The following TEX9 variants were observed in gnomAD, a reference collection of about 807,000 sequenced individuals.
TEX9 encodes testis expressed 9.
In TEX9, 74 loss-of-function variants were observed where a neutral mutation model predicts 59.6. The ratio of observed to expected loss-of-function variants is 1.24; its 90% CI spans 1.03 to 1.51. The LOEUF (loss-of-function observed/expected upper bound fraction) is 1.51, where lower values mean the gene tolerates loss of function less well. Ranked by LOEUF, TEX9 falls within the 40% of genes most tolerant of loss-of-function variation. The probability of loss-of-function intolerance (pLI) is 0.00; values close to 1 mark genes in which losing one functional copy is unlikely to be tolerated. For missense variants in TEX9, 522 were observed against 447.8 expected, an observed-to-expected ratio of 1.17 and a Z score of -1.49; for synonymous variants, 186 against 152.2, an observed-to-expected ratio of 1.22 and a Z score of -1.64.
intron 9 of TEX9, chr15:56,395,405 A>G (rs2048418482): frequency 6.6e-6 from 1 of 152,080 alleles, no homozygotes; most frequent in Admixed American, 6.6e-5. Flanking sequence ...GGTTGTTTCT[A>G]CTGTCTGACA....
intron 1 of TEX9, among the ~76,000 whole-genome samples, chr15:56,314,900 T>G (rs1171232714): frequency 6.6e-6 from 1 of 151,922 alleles, no homozygotes; most frequent in Admixed American, 6.6e-5. Flanking sequence ...TTTACCATTA[T>G]GTAATGGCCT....
chr15:56,377,894 T>C (rs934591351), intron 3 of TEX9, among the ~76,000 whole-genome samples: 1 of 152,188 alleles, frequency 6.6e-6, no homozygotes, highest in Non-Finnish European at 1.5e-5. Flanking sequence ...GTCTGTTCCT[T>C]TTATACTCAT....
chr15:56,385,992 C>T (rs762230333), intron 4 of TEX9, among the ~76,000 whole-genome samples: 1 of 152,018 alleles, frequency 6.6e-6, no homozygotes, highest in Non-Finnish European at 1.5e-5. Flanking sequence ...AAAAAACCTG[C>T]ATGTGAATTT....
chr15:56,255,711 C>T (rs2044130328), intron 1 of TEX9, among the ~76,000 whole-genome samples: 2 of 151,942 alleles, frequency 1.3e-5, no homozygotes, highest in African/African-American at 4.8e-5. Flanking sequence ...AATATAACAT[C>T]AAATGTCATC....
At chr15:56,383,353 T>G (rs1298260296) in intron 3 of TEX9, among the ~76,000 whole-genome samples, 2 of 152,234 alleles carry the variant, frequency 1.3e-5, no homozygotes, top group Non-Finnish European at 2.9e-5. Context: ...TAAAACCAGG[T>G]ACTGTGTTTG....
In TEX9 at chr15:56,375,285, A is replaced by G. The variant is rs1256315346; in HGVS notation, c.183+1781A>G. Among the ~76,000 whole-genome samples, 3 of 152,148 alleles carry G rather than the reference A, an allele frequency of 2.0e-5. No individual in the cohort carries two copies. In the East Asian group the frequency reaches 5.8e-4, roughly 29 times the overall value. Reference sequence around the variant, plus strand: ...AGCCAGTGATGGTGAGCATTTTTTCATGTGTTTTTTGGCCGCATAAATGTC... The same window carrying G: ...AGCCAGTGATGGTGAGCATTTTTTCGTGTGTTTTTTGGCCGCATAAATGTC... On this transcript the variant is annotated intron_variant, in intron 3 of 12. Transcript: ENST00000352903.
At chr15:56,446,238 G>A (rs2050901521), downstream of TEX9, among the ~76,000 whole-genome samples, 1 of 151,930 alleles carries the variant, frequency 6.6e-6, no homozygotes, top group South Asian at 2.1e-4. Context: ...GTTTGATAAT[G>A]AGAGCTCAAG....
rs1261191364 is a variant in TEX9 at position 56,426,620 on chromosome 15, TATATATAC to T, written c.964-983_964-976del. 1.6e-4 allele frequency among the ~76,000 whole-genome samples: 9 copies of T among 54,938 alleles called. 1 individual carries two copies. The highest frequency in any genetic ancestry group is 9.4e-3 in the Middle Eastern group (1 of 106). 36.0% of individuals were successfully genotyped at this position (54,938 alleles called of 152,430 possible). A position where few individuals can be genotyped will look rare whatever the true frequency, so the allele number is the denominator to read the frequency against. ...ATATATATATATATATATATATATA[TATATATAC>T]ACACACACAAACACACACACACACA... On this transcript the variant is annotated intron_variant, in intron 10 of 12. Transcript: ENST00000352903.
At chr15:56,361,766 G>A (rs559098165), upstream of TEX9, among the ~76,000 whole-genome samples, 2 of 152,172 alleles carry the variant, frequency 1.3e-5, no homozygotes, top group East Asian at 1.9e-4. Context: ...AAACACACAG[G>A]GGAAATGCTA....
chr15:56,316,590 C>T (rs1596083929), intron 1 of TEX9, among the ~76,000 whole-genome samples: 1 of 152,024 alleles, frequency 6.6e-6, no homozygotes, highest in African/African-American at 2.4e-5. Context: ...GCAGAGGTTA[C>T]TGCTGTCTTT....
At chr15:56,306,280 G>GAAAAAAAAAAAAAAAAAAAAAAA (rs2045484308) in intron 1 of TEX9, among the ~76,000 whole-genome samples, 1 of 72,020 alleles carries the variant, frequency 1.4e-5, no homozygotes. Context: ...AAAAAAAAAG[G>GAAAAAAAAAAAAAAAAAAAAAAA]AAATCAGTGT....
intron 1 of TEX9, among the ~76,000 whole-genome samples, chr15:56,311,398 G>T (rs1190424016): frequency 2.9e-5 from 4 of 139,404 alleles, no homozygotes; most frequent in South Asian, 4.8e-4. Context: ...GCGGTGTTTG[G>T]TTTTTTGTTC....
intron 1 of TEX9, among the ~76,000 whole-genome samples, chr15:56,316,769 T>C (rs2045778382): frequency 6.6e-6 from 1 of 152,222 alleles, no homozygotes; most frequent in Non-Finnish European, 1.5e-5. Context: ...CCTTGCAGTT[T>C]GATCTCAGAC....
At chr15:56,365,435 G>T (rs754714236) in exon 1 of TEX9, 1 of 1,609,326 alleles carries the variant, frequency 6.2e-7, no homozygotes, top group Non-Finnish European at 8.5e-7. Flanking sequence ...CGGTAACCGC[G>T]TCGCAGTCGC....
At chr15:56,364,151 C>CT (rs1220052286), upstream of TEX9, among the ~76,000 whole-genome samples, 41 of 149,880 alleles carry the variant, frequency 2.7e-4, no homozygotes, top group Admixed American at 5.3e-4. Context: ...TTTTTTTTTC[C>CT]TTTTTTTTGT....
chr15:56,372,616 A>AC (rs2047243219), intron 2 of TEX9, among the ~76,000 whole-genome samples: 1 of 152,178 alleles, frequency 6.6e-6, no homozygotes, highest in African/African-American at 2.4e-5. Flanking sequence ...CATGCTTCTA[A>AC]AGATTACGTG....
chr15:56,255,235 A>T (rs2044117872), intron 1 of TEX9, among the ~76,000 whole-genome samples: 1 of 152,150 alleles, frequency 6.6e-6, no homozygotes, highest in African/African-American at 2.4e-5. Context: ...ATGTGCGATA[A>T]GACTTTACAA....
chr15:56,444,750 T>A (rs2050878954), intron 12 of TEX9: 1 of 1,192,322 alleles, frequency 8.4e-7, no homozygotes, highest in Non-Finnish European at 1.2e-6. Context: ...ACCAATGTTA[T>A]TGAATATTAT....
intron 4 of TEX9, 125 bp downstream of exon 4, chr15:56,384,156 C>A: frequency 1.5e-6 from 1 of 657,832 alleles, no homozygotes; most frequent in Non-Finnish European, 2.5e-6. Flanking sequence ...ATATAGGGGG[C>A]TTATACCAAT....
Sources: gnomAD v4.1 joint callset for allele counts (sites outside exome capture counted in the v4.1 genomes callset) on GRCh38, gnomAD v4.1.1 for gene constraint, MANE v1.5 for transcripts, NCBI Gene and HGNC (gene_info 2026-07-23, HGNC 2026-07-21) for gene names.